Variants in LIN9 observed in about 807,000 individuals in gnomAD.
The protein encoded by LIN9 is protein lin-9 homolog.
Under a neutral mutation model 78.0 loss-of-function variants are expected in LIN9, and 18 were observed. The observed-to-expected ratio is 0.23, with a 90% CI of 0.16 to 0.34. The LOEUF is 0.34. Among genes scored for constraint, LIN9 ranks in the 10% least tolerant of loss-of-function variants. The pLI is 1.00. For synonymous variants in LIN9, 192 were observed against 215.2 expected (o/e 0.89, Z 0.94); for missense variants, 451 against 644.1 (o/e 0.70, Z 3.25).
At chr1:226,309,236 C>G, upstream of LIN9, 1 of 1,389,318 alleles carries the variant, frequency 7.2e-7, no homozygotes, top group East Asian at 3.1e-5. Flanking sequence ...GCGGAGCTCG[C>G]TGCCCGCGGC....
chr1:226,252,861 G>A lies in LIN9; in HGVS notation c.1039-1942C>T, dbSNP rs150788219. Among the ~76,000 whole-genome samples the A allele has an allele frequency of 4.1e-3, 630 of 152,196 alleles. 26 individuals are homozygous for A. The South Asian group carries it at 0.075, about 18-fold the overall frequency. ...GGACACCTGTAGTTCCAGCTACTCG[G>A]CAGGCTGAGGCAGGAGAATCGCTTG... On this transcript the variant is annotated intron_variant, in intron 10 of 14. Transcript: ENST00000681046.
intron 6 of LIN9, among the ~76,000 whole-genome samples, chr1:226,281,179 T>A (rs1008164827): frequency 6.6e-6 from 1 of 152,138 alleles, no homozygotes; most frequent in Non-Finnish European, 1.5e-5. Flanking sequence ...GAAAAACAAG[T>A]ATAAGATGTT....
In LIN9 at chr1:226,265,433, G is replaced by T; in HGVS notation, c.1038+100C>A. On this transcript the variant is annotated intron_variant, in intron 10 of 14. Coordinates refer to ENST00000681046, the MANE Select transcript of LIN9 (RefSeq NM_001366245.2). The surrounding 1 kb of genome is among the most constrained non-coding windows in gnomAD (Gnocchi z 4.1). ...AATAGCAGCTCTTAAAACCTACACG[G>T]TGATAAACCTACACGGCCCTAGAAA... 8 of 605,950 alleles carry T rather than the reference G, an allele frequency of 1.3e-5. No individual in the cohort carries two copies. Among genetic ancestry groups the T allele is most frequent in the Non-Finnish European group, 2.9e-6 (1 of 345,192 alleles). The allele number at this position is 605,950 out of a possible 1,614,324, so 37.5% of individuals were successfully genotyped here.
At chr1:226,289,834 C>CGGAGG (rs1296903239) in intron 4 of LIN9, among the ~76,000 whole-genome samples, 1 of 12,080 alleles carries the variant, frequency 8.3e-5, no homozygotes. Flanking sequence ...AGTAGTCCTC[C>CGGAGG]GGGGGGGGGG....
chr1:226,267,401 C>T (rs1210083271), intron 8 of LIN9, among the ~76,000 whole-genome samples: 2 of 118,872 alleles, frequency 1.7e-5, no homozygotes, highest in Admixed American at 1.1e-4. Flanking sequence ...CCAGCCTGGG[C>T]GACAGAGCAA....
chr1:226,277,811 T>C lies in LIN9; in HGVS notation c.646A>G (p.Ile216Val). The C allele has an allele frequency of 1.2e-6, 2 of 1,613,912 alleles. No individual in the cohort carries two copies. The highest frequency in any genetic ancestry group is 1.1e-5 in the South Asian group (1 of 91,058). ...VSQFKDLPDE[I>V]PLPLVIGTKV... The stretch of plus-strand genomic sequence containing the variant: ...GTTCCAATAACCAGAGGCAAAGGAA[T>C]TTCATCTGGGAGATCTTTGAATTGT... Residue 216 changes from isoleucine (I) to valine (V), a missense_variant, in exon 7 of 15, where the codon ATT (isoleucine) becomes GTT (valine). Transcript: ENST00000681046.
At chr1:226,273,790 G>A (rs1466053621) in intron 7 of LIN9, among the ~76,000 whole-genome samples, 2 of 150,898 alleles carry the variant, frequency 1.3e-5, no homozygotes, top group Non-Finnish European at 2.9e-5. Context: ...TAAAGTTTTT[G>A]AGCCACAATG....
chr1:226,266,687 C>T (rs1279101195), intron 8 of LIN9, among the ~76,000 whole-genome samples: 1 of 151,848 alleles, frequency 6.6e-6, no homozygotes, highest in African/African-American at 2.4e-5. Flanking sequence ...TCTGAATATA[C>T]CCTACAATTA....
rs1244564398 is a variant in LIN9 at position 226,306,257 on chromosome 1, G to A, written c.31+2852C>T. Among the ~76,000 whole-genome samples, 6 of 152,040 alleles carry A rather than the reference G, an allele frequency of 3.9e-5. No homozygotes were observed. In the South Asian group the frequency reaches 6.2e-4, roughly 16 times the overall value. ...GGAGAATGGCTTGAACCCGGGAGGCGGAGGCTGCAGTGAGCTGAGATCGCA... is the reference window on the plus strand; with the variant it reads ...GGAGAATGGCTTGAACCCGGGAGGCAGAGGCTGCAGTGAGCTGAGATCGCA... On this transcript the variant is annotated intron_variant, in intron 1 of 14. Coordinates refer to ENST00000681046, the MANE Select transcript of LIN9 (RefSeq NM_001366245.2).
chr1:226,253,537 C>T (rs538757479), intron 10 of LIN9, among the ~76,000 whole-genome samples: 6 of 150,726 alleles, frequency 4.0e-5, no homozygotes, highest in Non-Finnish European at 8.9e-5. Context: ...TCAGGTGATC[C>T]ATTAGCCTCA....
chr1:226,244,561 A>G (rs1658341089), intron 11 of LIN9, among the ~76,000 whole-genome samples: 1 of 152,246 alleles, frequency 6.6e-6, no homozygotes, highest in Non-Finnish European at 1.5e-5. Flanking sequence ...GTATGATCAC[A>G]AAGTAATGAA....
At chr1:226,261,226 A>G (rs1393602233) in intron 10 of LIN9, among the ~76,000 whole-genome samples, 2 of 152,154 alleles carry the variant, frequency 1.3e-5, no homozygotes, top group African/African-American at 2.4e-5. Context: ...AAGATCAGGA[A>G]GAAGGCAACA....
Position 226,277,713 on chromosome 1 carries a change from A to G in LIN9, c.682+62T>C, listed in dbSNP as rs1660758041. 7 of 1,441,208 alleles carry G rather than the reference A, an allele frequency of 4.9e-6. No homozygotes were observed. The East Asian group carries it at 1.6e-4, about 33-fold the overall frequency. The allele number at this position is 1,441,208 out of a possible 1,614,324, so 89.3% of individuals were successfully genotyped here. On this transcript the variant is annotated intron_variant, in intron 7 of 14. Coordinates refer to ENST00000681046, the MANE Select transcript of LIN9 (RefSeq NM_001366245.2). Reference sequence around the variant, plus strand: ...GAAATAAAATAAGAACCAAAGAAACAAAAAAGATTACCTTGATTAAAAATT... The same window carrying G: ...GAAATAAAATAAGAACCAAAGAAACGAAAAAGATTACCTTGATTAAAAATT...
rs10915966 is a variant in LIN9 at position 226,296,605 on chromosome 1, G to A, written c.160-659C>T. 4.9e-3 allele frequency among the ~76,000 whole-genome samples: 748 copies of A among 152,174 alleles called. 10 individuals are homozygous for A. Among genetic ancestry groups the A allele is most frequent in the African/African-American group, 0.017 (700 of 41,514 alleles). ...TAGAGAGAAAAAGAAATAATATCCCGATAAGACCTACATCCTTTTCAAAGC... is the reference window on the plus strand; with the variant it reads ...TAGAGAGAAAAAGAAATAATATCCCAATAAGACCTACATCCTTTTCAAAGC... On this transcript the variant is annotated intron_variant, in intron 3 of 14. Transcript: ENST00000681046.
At chr1:226,244,181 A>G (rs941926397) in intron 11 of LIN9, among the ~76,000 whole-genome samples, 1 of 144,992 alleles carries the variant, frequency 6.9e-6, no homozygotes, top group African/African-American at 2.5e-5. Context: ...TGGCCTAAAA[A>G]TTACTTTTGG....
At chr1:226,241,081 G>A (rs181908269) in intron 11 of LIN9, among the ~76,000 whole-genome samples, 4 of 152,236 alleles carry the variant, frequency 2.6e-5, no homozygotes, top group Non-Finnish European at 4.4e-5. Flanking sequence ...GTGGGAGTAG[G>A]GAAGGGATAA....
At chr1:226,273,862 G>A (rs531026076) in intron 7 of LIN9, among the ~76,000 whole-genome samples, 3 of 149,926 alleles carry the variant, frequency 2.0e-5, no homozygotes, top group Admixed American at 1.3e-4. Context: ...CTTTGAGACG[G>A]AGTCTCACTC....
rs1293294117 is a variant in LIN9 at position 226,232,186 on chromosome 1, A to T, written c.*315T>A. 1 of 400,496 alleles carries T rather than the reference A, an allele frequency of 2.5e-6. No homozygotes were observed. Among genetic ancestry groups the T allele is most frequent in the South Asian group, 1.2e-4 (1 of 8,032 alleles). The allele number at this position is 400,496 out of a possible 1,614,324, so 24.8% of individuals were successfully genotyped here. A position where few individuals can be genotyped will look rare whatever the true frequency, so the allele number is the denominator to read the frequency against. The stretch of plus-strand genomic sequence containing the variant: ...CATGTGTTGCGGTGAATTCATGCAC[A>T]TTAAAAAAAATGGTCAATGTATTCT... On this transcript the variant is annotated 3_prime_UTR_variant, in exon 15 of 15. Coordinates refer to ENST00000681046, the MANE Select transcript of LIN9 (RefSeq NM_001366245.2).
chr1:226,288,307 TC>T (rs1661503328), intron 4 of LIN9, among the ~76,000 whole-genome samples: 1 of 151,990 alleles, frequency 6.6e-6, no homozygotes, highest in Admixed American at 6.6e-5. Context: ...AAAACATTTC[TC>T]CCCACTCCAA....
Sources: gnomAD v4.1 joint callset for allele counts (sites outside exome capture counted in the v4.1 genomes callset) on GRCh38, gnomAD v4.1.1 for gene constraint, Gnocchi (gnomAD v3.1) non-coding constraint, MANE v1.5 for transcripts, NCBI Gene and HGNC (gene_info 2026-07-23, HGNC 2026-07-21) for gene names.